Variants in MAGI2 observed in about 807,000 individuals in gnomAD.
The protein encoded by MAGI2 is membrane-associated guanylate kinase, WW and PDZ domain-containing protein 2.
In MAGI2, 35 loss-of-function variants were observed where a neutral mutation model predicts 133.3. That is an observed-to-expected ratio of 0.26 (90% CI 0.20 to 0.35). The LOEUF is 0.35. Ranked by LOEUF, MAGI2 falls within the 10% of genes least tolerant of loss-of-function variation. MAGI2 has a pLI of 1.00. For synonymous variants in MAGI2, 729 were observed against 710.6 expected (o/e 1.03, Z -0.41); for missense variants, 1,636 against 1,863.4 (o/e 0.88, Z 2.25).
intron 2 of MAGI2, among the ~76,000 whole-genome samples, chr7:78,769,153 A>G (rs1825324329): frequency 1.3e-5 from 2 of 152,200 alleles, no homozygotes; most frequent in Admixed American, 6.5e-5. Flanking sequence ...GCGCGGGGAC[A>G]CATCTTTTTC....
At chr7:79,317,875 G>A (rs1406147860) in intron 1 of MAGI2, among the ~76,000 whole-genome samples, 1 of 152,160 alleles carries the variant, frequency 6.6e-6, no homozygotes, top group Non-Finnish European at 1.5e-5. Flanking sequence ...GTTTCAGCCA[G>A]CAGCATGTCA....
intron 21 of MAGI2, among the ~76,000 whole-genome samples, chr7:78,074,988 G>T (rs1815122486): frequency 6.6e-6 from 1 of 152,212 alleles, no homozygotes; most frequent in Non-Finnish European, 1.5e-5. Context: ...AATGTGACTG[G>T]TAAATCATCC....
intron 20 of MAGI2, among the ~76,000 whole-genome samples, chr7:78,089,590 T>G (rs1044699651): frequency 7.2e-5 from 11 of 152,242 alleles, no homozygotes; most frequent in African/African-American, 2.4e-4. Context: ...TTAACATGTG[T>G]CGCCTCTATA....
At chr7:78,394,731 T>A (rs1457427280) in intron 6 of MAGI2, among the ~76,000 whole-genome samples, 1 of 152,186 alleles carries the variant, frequency 6.6e-6, no homozygotes, top group African/African-American at 2.4e-5. Flanking sequence ...CATTAGACAG[T>A]GAGAACTGTG....
At chr7:79,199,986 C>G (rs1209504292) in intron 1 of MAGI2, among the ~76,000 whole-genome samples, 1 of 151,860 alleles carries the variant, frequency 6.6e-6, no homozygotes, top group African/African-American at 2.4e-5. Flanking sequence ...ACACAATTAA[C>G]AACTCTTGTT....
At chr7:79,203,049 G>A (rs1828749121) in intron 1 of MAGI2, among the ~76,000 whole-genome samples, 1 of 151,954 alleles carries the variant, frequency 6.6e-6, no homozygotes, top group African/African-American at 2.4e-5. Flanking sequence ...TTTTAGTACA[G>A]AGCACATATA....
Position 78,289,417 on chromosome 7 carries a change from A to G in MAGI2, c.1409-32836T>C, listed in dbSNP as rs1010004088. On this transcript the variant is annotated intron_variant, in intron 9 of 21. Transcript: ENST00000354212. ...GAGAAGTTTAGAGAAAAAAGTAAAA[A>G]ATGAACAAAGCCTCCAAGAAATATG... Among the ~76,000 whole-genome samples, 9 of 152,268 alleles carry G rather than the reference A, an allele frequency of 5.9e-5. No individual in the cohort carries two copies. In the South Asian group the frequency reaches 1.9e-3, roughly 32 times the overall value.
chr7:78,765,642 C>T (rs947291642), intron 2 of MAGI2, among the ~76,000 whole-genome samples: 7 of 151,968 alleles, frequency 4.6e-5, no homozygotes, highest in South Asian at 2.1e-4. Context: ...CCATAACGCC[C>T]GGCCCTAGTG....
chr7:78,262,499 T>G (rs546926390), intron 9 of MAGI2, among the ~76,000 whole-genome samples: 46 of 152,240 alleles, frequency 3.0e-4, no homozygotes, highest in Non-Finnish European at 5.9e-4. Context: ...CATCCTTTAG[T>G]GCCCACTCAT....
At chr7:78,698,552 T>C (rs1817744519) in intron 2 of MAGI2, among the ~76,000 whole-genome samples, 1 of 152,218 alleles carries the variant, frequency 6.6e-6, no homozygotes, top group Non-Finnish European at 1.5e-5. Context: ...AAGAAAATAA[T>C]TGCTTATATA....
chr7:78,419,124 T>G (rs1860537), intron 6 of MAGI2, among the ~76,000 whole-genome samples: 121,372 of 152,088 alleles, frequency 0.8, 48,525 homozygotes, highest in East Asian at 0.91. Flanking sequence ...TTTCTGCATT[T>G]TAAAAAATCC....
At chr7:78,269,617 T>A (rs1794366009) in intron 9 of MAGI2, among the ~76,000 whole-genome samples, 3 of 152,180 alleles carry the variant, frequency 2.0e-5, no homozygotes, top group Admixed American at 1.3e-4. Context: ...TTCGCCCACT[T>A]TTTGATGGGG....
Position 78,771,955 on chromosome 7 carries a change from G to C in MAGI2, c.419-144716C>G, listed in dbSNP as rs559187709. ...ATAGAAAATAAATGTAATAAATATA[G>C]CAAGTATCCTCTTCTTGCAACCCAA... is the stretch of plus-strand genomic sequence containing the variant. On this transcript the variant is annotated intron_variant, in intron 2 of 21. Transcript: ENST00000354212. Among the ~76,000 whole-genome samples, 5 of 152,222 alleles carry C rather than the reference G, an allele frequency of 3.3e-5. No individual in the cohort carries two copies. The East Asian group carries it at 7.7e-4, about 24-fold the overall frequency.
intron 1 of MAGI2, among the ~76,000 whole-genome samples, chr7:79,433,768 G>T (rs1199949376): frequency 6.6e-6 from 1 of 152,022 alleles, no homozygotes; most frequent in African/African-American, 2.4e-5. Context: ...CTCAAGTTCA[G>T]CATTAAAAAA....
chr7:78,191,961 CTT>C lies in MAGI2; in HGVS notation c.2269+2911_2269+2912del, dbSNP rs773800187. ...TCCATCATTTGTAGGGGACTGGTGA[CTT>C]GAATCCAAATATTTCTTGACAGCCT... On this transcript the variant is annotated intron_variant, in intron 12 of 21. Coordinates refer to ENST00000354212, the MANE Select transcript of MAGI2 (RefSeq NM_012301.4). Among the ~76,000 whole-genome samples, 16 of 152,290 alleles carry C rather than the reference CTT, an allele frequency of 1.1e-4. No individual in the cohort carries two copies. The East Asian group carries it at 2.5e-3, about 24-fold the overall frequency.
chr7:78,586,249 A>G (rs959337274), intron 3 of MAGI2, among the ~76,000 whole-genome samples: 3 of 152,204 alleles, frequency 2.0e-5, no homozygotes, highest in Admixed American at 2.0e-4. Flanking sequence ...ACTCTATGCA[A>G]TTAGTGTCTC....
At chr7:78,049,426 T>C in intron 21 of MAGI2, among the ~76,000 whole-genome samples, 1 of 152,224 alleles carries the variant, frequency 6.6e-6, no homozygotes, top group Admixed American at 6.5e-5. Context: ...ACATTTTACT[T>C]AGTGCTCCTA....
intron 6 of MAGI2, among the ~76,000 whole-genome samples, chr7:78,404,531 T>A (rs966336729): frequency 7.2e-5 from 11 of 152,134 alleles, no homozygotes; most frequent in African/African-American, 2.4e-4. Flanking sequence ...TACAACCACC[T>A]GATCTTTGAC....
At chr7:79,366,494 A>G (rs1842717147) in intron 1 of MAGI2, among the ~76,000 whole-genome samples, 1 of 152,122 alleles carries the variant, frequency 6.6e-6, no homozygotes, top group Non-Finnish European at 1.5e-5. Context: ...GATGAATATG[A>G]AAACCTACTG....
Sources: allele counts gnomAD v4.1 joint callset (sites outside exome capture counted in the v4.1 genomes callset), GRCh38; gene constraint gnomAD v4.1.1; transcripts MANE v1.5; gene names NCBI Gene and HGNC (gene_info 2026-07-23, HGNC 2026-07-21).